The following SATL1 variants were observed in gnomAD, a reference collection of about 807,000 sequenced individuals.
The protein encoded by SATL1 is spermidine/spermine N1-acetyl transferase like 1.
In SATL1, 47 loss-of-function variants were observed where a neutral mutation model predicts 51.8. The ratio of observed to expected loss-of-function variants is 0.91; its 90% CI spans 0.72 to 1.16. SATL1 has a LOEUF of 1.16. Ranked by LOEUF, SATL1 falls within the 50% of genes most tolerant of loss-of-function variation. The pLI is 0.00. For synonymous variants in SATL1, 176 were observed against 182.4 expected (o/e 0.97, Z 0.28); for missense variants, 520 against 526.4 (o/e 0.99, Z 0.12).
intron 2 of SATL1, among the ~76,000 whole-genome samples, chrX:85,165,395 A>AT (rs1315108839): frequency 8.6e-4 from 87 of 101,199 alleles, no homozygotes; most frequent in African/African-American, 2.6e-3. Flanking sequence ...AGAAGCTGTG[A>AT]TTTTTTTTTT....
intron 2 of SATL1, among the ~76,000 whole-genome samples, chrX:85,138,189 C>A (rs1926010827): frequency 8.9e-6 from 1 of 112,296 alleles, no homozygotes; most frequent in African/African-American, 3.2e-5. Flanking sequence ...ATTTTCCCTG[C>A]CTTTTGGCAT....
At chrX:85,204,550 G>A (rs1222670256) in intron 2 of SATL1, among the ~76,000 whole-genome samples, 1 of 112,259 alleles carries the variant, frequency 8.9e-6, no homozygotes, top group Non-Finnish European at 1.9e-5. Flanking sequence ...TGATCCAGAA[G>A]AGCTCATAGG....
At chrX:85,101,261 G>A (rs961994733) in intron 4 of SATL1, among the ~76,000 whole-genome samples, 1 of 112,138 alleles carries the variant, frequency 8.9e-6, no homozygotes, top group African/African-American at 3.2e-5. Flanking sequence ...GGCAACCCAT[G>A]GAATGGGAGA....
At chrX:85,167,344 C>A (rs969380125) in intron 2 of SATL1, among the ~76,000 whole-genome samples, 14 of 108,693 alleles carry the variant, frequency 1.3e-4, no homozygotes, top group Non-Finnish European at 2.5e-4. Flanking sequence ...AGATATCACC[C>A]CTAAATAACT....
chrX:85,194,907 A>C (rs1437896179), intron 2 of SATL1, among the ~76,000 whole-genome samples: 1 of 109,779 alleles, frequency 9.1e-6, no homozygotes, highest in East Asian at 2.9e-4. Flanking sequence ...TAGCATTAGG[A>C]GAAATACCTA....
At chrX:85,194,392 G>A (rs182509256) in intron 2 of SATL1, among the ~76,000 whole-genome samples, 3 of 111,315 alleles carry the variant, frequency 2.7e-5, no homozygotes, top group African/African-American at 6.5e-5. Context: ...CACCAGTTAC[G>A]GTCAAAGTAA....
intron 2 of SATL1, among the ~76,000 whole-genome samples, chrX:85,143,666 A>G (rs1926160304): frequency 9.0e-6 from 1 of 111,595 alleles, no homozygotes; most frequent in Non-Finnish European, 1.9e-5. Context: ...ACCTGAAAGT[A>G]TCTGTTTTTT....
intron 2 of SATL1, among the ~76,000 whole-genome samples, chrX:85,135,269 A>G (rs1052173660): frequency 9.0e-6 from 1 of 110,857 alleles, no homozygotes; most frequent in Non-Finnish European, 1.9e-5. Context: ...GCAAACAACC[A>G]TGGCACATGT....
Position 85,093,997 on chromosome X carries a change from A to G in SATL1, c.1876+131T>C. The G allele has an allele frequency of 9.8e-6, 4 of 406,172 alleles. No homozygotes were observed. The African/African-American group carries it at 9.9e-5, about 10-fold the overall frequency. 33.5% of individuals were successfully genotyped at this position (406,172 alleles called of 1,213,427 possible). Reference sequence around the variant, plus strand: ...TTAGATCAAACTCATTAGGATAGTGATCAAACTCATTAAGTAGCAATAAGT... The same window carrying G: ...TTAGATCAAACTCATTAGGATAGTGGTCAAACTCATTAAGTAGCAATAAGT... On this transcript the variant is annotated intron_variant, in intron 6 of 7. Transcript: ENST00000644105.
chrX:85,097,920 C>G (rs1452240604), intron 4 of SATL1, among the ~76,000 whole-genome samples: 3 of 111,022 alleles, frequency 2.7e-5, no homozygotes, highest in Non-Finnish European at 5.7e-5. Flanking sequence ...TAGGAACAAC[C>G]AAAAGCTTTA....
At chrX:85,146,835 G>A (rs1926253414) in intron 2 of SATL1, among the ~76,000 whole-genome samples, 1 of 112,494 alleles carries the variant, frequency 8.9e-6, no homozygotes, top group South Asian at 3.7e-4. Flanking sequence ...ATTTCTGGCT[G>A]GCAACCAAGA....
At chrX:85,239,909 A>G (rs891378758) in intron 1 of SATL1, among the ~76,000 whole-genome samples, 11 of 110,076 alleles carry the variant, frequency 1.0e-4, no homozygotes, top group African/African-American at 3.0e-4. Flanking sequence ...GGGAAAAAAA[A>G]CCTTAAAACT....
rs1928708783 is a variant in SATL1 at position 85,243,775 on chromosome X, G to T, written c.-622C>A. 1 of 109,791 alleles carries T rather than the reference G, an allele frequency of 9.1e-6. No homozygotes were observed. The highest frequency in any genetic ancestry group is 3.3e-5 in the African/African-American group (1 of 30,113). 9.0% of individuals were successfully genotyped at this position (109,791 alleles called of 1,213,427 possible). A position where few individuals can be genotyped will look rare whatever the true frequency, so the allele number is the denominator to read the frequency against. On this transcript the variant is annotated 5_prime_UTR_variant, in exon 1 of 8. Coordinates refer to ENST00000644105, the MANE Select transcript of SATL1 (RefSeq NM_001367857.2). ...CAGAAACTCCTCAGGGGCGCGCCGA[G>T]ATCTGGGCTTGCGCACTTGGACTTG...
chrX:85,096,185 CAAAAT>C (rs1427462993), intron 4 of SATL1, among the ~76,000 whole-genome samples: 1 of 110,048 alleles, frequency 9.1e-6, no homozygotes, highest in Non-Finnish European at 1.9e-5. Flanking sequence ...TATATGTAAA[CAAAAT>C]AATATAGATA....
intron 1 of SATL1, among the ~76,000 whole-genome samples, chrX:85,228,656 C>T (rs1928322484): frequency 1.8e-5 from 2 of 111,733 alleles, no homozygotes; most frequent in African/African-American, 6.5e-5. Flanking sequence ...TCTCAGTCCC[C>T]ATCTTCTTTG....
intron 2 of SATL1, among the ~76,000 whole-genome samples, chrX:85,206,886 G>C (rs1927801025): frequency 9.0e-6 from 1 of 111,520 alleles, no homozygotes; most frequent in Non-Finnish European, 1.9e-5. Context: ...TTGGAAGGCT[G>C]TGTCTTTTAT....
At chrX:85,230,565 T>A (rs1177503655) in intron 1 of SATL1, among the ~76,000 whole-genome samples, 1 of 111,941 alleles carries the variant, frequency 8.9e-6, no homozygotes, top group African/African-American at 3.2e-5. Flanking sequence ...GATAGACAAG[T>A]GGGACTACAT....
At chrX:85,106,563 A>G (rs1330512966) in intron 3 of SATL1, among the ~76,000 whole-genome samples, 1 of 112,198 alleles carries the variant, frequency 8.9e-6, no homozygotes, top group Non-Finnish European at 1.9e-5. Context: ...CTCCATAAAG[A>G]ACATGGTTTA....
intron 2 of SATL1, among the ~76,000 whole-genome samples, chrX:85,122,049 T>G (rs1925521487): frequency 9.1e-6 from 1 of 109,572 alleles, no homozygotes; most frequent in Non-Finnish European, 1.9e-5. Flanking sequence ...CTCAACTCTT[T>G]AGACATATTG....
Sources: gnomAD v4.1 joint callset for allele counts (sites outside exome capture counted in the v4.1 genomes callset) on GRCh38, gnomAD v4.1.1 for gene constraint, MANE v1.5 for transcripts, NCBI Gene and HGNC (gene_info 2026-07-23, HGNC 2026-07-21) for gene names.